CCDC63: variants seen among roughly 807,000 people sequenced by gnomAD.
The protein encoded by CCDC63 is coiled-coil domain-containing protein 63.
CCDC63 carries 54 observed loss-of-function variants against 63.6 expected under a neutral mutation model. The ratio of observed to expected loss-of-function variants is 0.85; its 90% CI spans 0.68 to 1.07. CCDC63 has a LOEUF of 1.07. CCDC63 is among the 50% of genes least tolerant of loss of function. The pLI is 0.00. For missense variants in CCDC63, 637 were observed against 689.6 expected, an observed-to-expected ratio of 0.92 and a Z score of 0.86; for synonymous variants, 253 against 266.1, an observed-to-expected ratio of 0.95 and a Z score of 0.48.
At chr12:110,886,790 G>T (rs2071286604) in intron 8 of CCDC63, among the ~76,000 whole-genome samples, 1 of 152,126 alleles carries the variant, frequency 6.6e-6, no homozygotes, top group South Asian at 2.1e-4. Flanking sequence ...CCCGGGGGTG[G>T]GGAAGACAGA....
At chr12:110,884,468 C>T (rs2071252203) in intron 8 of CCDC63, among the ~76,000 whole-genome samples, 1 of 152,176 alleles carries the variant, frequency 6.6e-6, no homozygotes, top group Non-Finnish European at 1.5e-5. Flanking sequence ...CAGTCTCAAC[C>T]TCCCAGGCTG....
chr12:110,899,126 G>A lies in CCDC63; in HGVS notation c.1342+1G>A, dbSNP rs779427476. The A allele has an allele frequency of 2.2e-5, 36 of 1,608,722 alleles. No individual in the cohort carries two copies. Among genetic ancestry groups the A allele is most frequent in the Non-Finnish European group, 3.0e-5 (35 of 1,177,434 alleles). ...GACATCAACCTTCCGCAGTATTTTG[G>A]TGAGTCAAGCTGGGGCCCGTTGGAG... On this transcript the variant is annotated splice_donor_variant, in intron 10 of 11. Coordinates refer to ENST00000308208, the MANE Select transcript of CCDC63 (RefSeq NM_152591.3). LOFTEE classifies it high-confidence loss of function.
intron 4 of CCDC63, among the ~76,000 whole-genome samples, chr12:110,871,650 A>C (rs1453467300): frequency 6.6e-6 from 1 of 150,772 alleles, no homozygotes; most frequent in Non-Finnish European, 1.5e-5. Context: ...CTGAGTTGTT[A>C]ATTACACATG....
At chr12:110,858,483 A>C in intron 3 of CCDC63, 103 bp from the exon 4 acceptor site, 11 of 997,084 alleles carry the variant, frequency 1.1e-5, no homozygotes, top group South Asian at 1.7e-5. Flanking sequence ...CTCAGGTGGG[A>C]AATTCCTCTC....
chr12:110,884,100 C>T lies in CCDC63; in HGVS notation c.924C>T (p.Leu308=), dbSNP rs563199586. ...TTGAGAGCTATGAGGTGGCCCACCT[C>T]CGGCTGCTGAAGCTGGCTGAGAGTG... is the stretch of plus-strand genomic sequence containing the variant. The part of the protein sequence containing the change: ...ESFESYEVAH[L]RLLKLAESGN... Residue 308 remains leucine, a synonymous_variant, in exon 8 of 12, where the codon CTC becomes CTT. Transcript: ENST00000308208. 5.0e-6 allele frequency: 8 copies of T among 1,614,158 alleles called. No individual in the cohort carries two copies. Among genetic ancestry groups the T allele is most frequent in the African/African-American group, 1.3e-5 (1 of 75,048 alleles).
intron 4 of CCDC63, among the ~76,000 whole-genome samples, chr12:110,867,147 C>A (rs546069543): frequency 9.2e-6 from 1 of 108,980 alleles, no homozygotes; most frequent in African/African-American, 3.9e-5. Flanking sequence ...ACCTCCCTCC[C>A]GGAGGGGGCG....
intron 8 of CCDC63, among the ~76,000 whole-genome samples, chr12:110,887,743 C>A (rs1026627045): frequency 6.6e-6 from 1 of 151,410 alleles, no homozygotes; most frequent in African/African-American, 2.4e-5. Context: ...GGACTACAGG[C>A]GCGCGCCACC....
chr12:110,870,121 C>T (rs879523409), intron 4 of CCDC63, among the ~76,000 whole-genome samples: 15 of 152,098 alleles, frequency 9.9e-5, no homozygotes, highest in Non-Finnish European at 1.6e-4. Flanking sequence ...TTGCTCTTGT[C>T]GCCCAGGCTG....
intron 4 of CCDC63, among the ~76,000 whole-genome samples, chr12:110,868,766 G>GGAGGGA (rs751710724): frequency 0.014 from 1,008 of 73,616 alleles, 23 homozygotes; most frequent in Non-Finnish European, 0.019. Flanking sequence ...AGGGGGAGGG[G>GGAGGGA]GAGGGAGAGG....
intron 3 of CCDC63, among the ~76,000 whole-genome samples, chr12:110,857,113 A>G: frequency 6.7e-6 from 1 of 150,294 alleles, no homozygotes; most frequent in Admixed American, 6.6e-5. Context: ...CCTGTAGAAC[A>G]TTCTTTTTTG....
At chr12:110,879,063 C>T (rs1266043278) in intron 5 of CCDC63, among the ~76,000 whole-genome samples, 1 of 152,116 alleles carries the variant, frequency 6.6e-6, no homozygotes, top group Non-Finnish European at 1.5e-5. Flanking sequence ...ACATTTCACC[C>T]CTAAATACTT....
chr12:110,851,114 A>G (rs1213535911), intron 1 of CCDC63, among the ~76,000 whole-genome samples: 1 of 152,222 alleles, frequency 6.6e-6, no homozygotes, highest in African/African-American at 2.4e-5. Flanking sequence ...TATGTGCTAA[A>G]TAGATGTAAG....
intron 4 of CCDC63, among the ~76,000 whole-genome samples, chr12:110,867,124 G>A (rs1463629241): frequency 1.4e-5 from 2 of 138,770 alleles, no homozygotes; most frequent in Non-Finnish European, 3.2e-5. Context: ...GGGCAGGGGG[G>A]CTGACCCCCC....
At chr12:110,894,332 TG>T (rs2071392212) in intron 9 of CCDC63, among the ~76,000 whole-genome samples, 1 of 152,212 alleles carries the variant, frequency 6.6e-6, no homozygotes, top group African/African-American at 2.4e-5. Context: ...GGTTTGGAAA[TG>T]TAACTTTTAG....
chr12:110,868,754 GAAGGGGGAGGGGGAGGGAGAGGGA>G (rs2071020045), intron 4 of CCDC63, among the ~76,000 whole-genome samples: 1 of 90,836 alleles, frequency 1.1e-5, no homozygotes, highest in Admixed American at 1.1e-4. Flanking sequence ...AGGGGGAGGG[GAAGGGGGAGGGGGAGGGAGAGGGA>G]GAGGGAGAGG....
chr12:110,904,631 C>A lies in CCDC63; in HGVS notation c.1386C>A (p.Thr462=). Residue 462 remains threonine, a synonymous_variant, in exon 11 of 12, where the codon ACC becomes ACA. Transcript: ENST00000308208. ...CCAACGACCTGCTGCTGTTGGAGAC[C>A]TACAGGCGCATCCTGGAAGTGGAAG... ...KKTNDLLLLE[T]YRRILEVEGA... The A allele has an allele frequency of 5.6e-6, 9 of 1,614,054 alleles. No individual in the cohort carries two copies. The highest frequency in any genetic ancestry group is 7.6e-6 in the Non-Finnish European group (9 of 1,180,014).
intron 11 of CCDC63, 36 bp downstream of exon 11, chr12:110,904,827 AG>A: frequency 4.6e-6 from 7 of 1,521,890 alleles, no homozygotes; most frequent in Non-Finnish European, 6.3e-6. Flanking sequence ...ACAGGTTGCT[AG>A]GGAACCTGTG....
Position 110,893,042 on chromosome 12 carries a change from A to T in CCDC63, c.1075-34A>T. 1.9e-6 allele frequency: 3 copies of T among 1,588,684 alleles called. No homozygotes were observed. In the African/African-American group the frequency reaches 4.0e-5, roughly 21 times the overall value. Reference sequence around the variant, plus strand: ...GGGAGCAGTGGGGAGGGAAGAGCCCACTTTTCCTCATGGTCTTGTTCTCTC... The same window carrying T: ...GGGAGCAGTGGGGAGGGAAGAGCCCTCTTTTCCTCATGGTCTTGTTCTCTC... On this transcript the variant is annotated intron_variant, in intron 8 of 11. Coordinates refer to ENST00000308208, the MANE Select transcript of CCDC63 (RefSeq NM_152591.3).
At chr12:110,854,793 A>AT (rs1442487850) in intron 3 of CCDC63, among the ~76,000 whole-genome samples, 1 of 151,416 alleles carries the variant, frequency 6.6e-6, no homozygotes, top group African/African-American at 2.4e-5. Context: ...GGGAAAAGGA[A>AT]TTTTTATTTT....
Sources: gnomAD v4.1 joint callset for allele counts (sites outside exome capture counted in the v4.1 genomes callset) on GRCh38, gnomAD v4.1.1 for gene constraint, MANE v1.5 for transcripts, NCBI Gene and HGNC (gene_info 2026-07-23, HGNC 2026-07-21) for gene names.